The following SPIDR variants were observed in gnomAD, a reference collection of about 807,000 sequenced individuals.
SPIDR encodes scaffold protein involved in DNA repair.
In SPIDR, 93 loss-of-function variants were observed where a neutral mutation model predicts 104.6. The ratio of observed to expected loss-of-function variants is 0.89; its 90% CI spans 0.75 to 1.06. The LOEUF is 1.06. Among genes scored for constraint, SPIDR ranks in the 50% least tolerant of loss-of-function variants. The pLI, the probability that SPIDR is intolerant of heterozygous loss-of-function variation, is 0.00. For missense variants in SPIDR, 1,154 were observed against 1,111.2 expected, an observed-to-expected ratio of 1.04 and a Z score of -0.55; for synonymous variants, 431 against 416.9, an observed-to-expected ratio of 1.03 and a Z score of -0.41.
At chr8:47,650,248 C>G (rs1322123141) in intron 10 of SPIDR, among the ~76,000 whole-genome samples, 1 of 152,180 alleles carries the variant, frequency 6.6e-6, no homozygotes, top group African/African-American at 2.4e-5. Flanking sequence ...TAAACAAATT[C>G]AGCAGAGTCT....
At chr8:47,338,083 G>A (rs1474468251) in intron 5 of SPIDR, among the ~76,000 whole-genome samples, 1 of 152,112 alleles carries the variant, frequency 6.6e-6, no homozygotes, top group Non-Finnish European at 1.5e-5. Flanking sequence ...GTCTCTATAT[G>A]AAGTTTAGAG....
At chr8:47,641,888 G>A (rs1019423811) in intron 10 of SPIDR, among the ~76,000 whole-genome samples, 5 of 152,210 alleles carry the variant, frequency 3.3e-5, no homozygotes, top group African/African-American at 7.2e-5. Context: ...CAGCAGCTGG[G>A]CAGAGGAAAG....
intron 10 of SPIDR, among the ~76,000 whole-genome samples, chr8:47,602,515 C>T (rs1026561562): frequency 2.6e-5 from 4 of 152,152 alleles, no homozygotes; most frequent in Non-Finnish European, 5.9e-5. Flanking sequence ...AAAGAAACAG[C>T]GGTGTCTTAT....
At chr8:47,619,005 G>A (rs1278243263) in intron 10 of SPIDR, among the ~76,000 whole-genome samples, 1 of 152,246 alleles carries the variant, frequency 6.6e-6, no homozygotes, top group African/African-American at 2.4e-5. Context: ...CAAGAAGCTG[G>A]CAACTTTAAT....
At chr8:47,514,181 T>C (rs1003071685) in intron 8 of SPIDR, among the ~76,000 whole-genome samples, 3 of 152,230 alleles carry the variant, frequency 2.0e-5, no homozygotes, top group African/African-American at 4.8e-5. Context: ...GTGTCCTGTA[T>C]ATTTTACATT....
chr8:47,271,230 T>G (rs368098282), intron 1 of SPIDR, among the ~76,000 whole-genome samples: 45 of 152,316 alleles, frequency 3.0e-4, no homozygotes, highest in African/African-American at 1.1e-3. Context: ...TTTGGAGTTT[T>G]TAAGCTTCTT....
intron 8 of SPIDR, among the ~76,000 whole-genome samples, chr8:47,445,684 T>C (rs1563993638): frequency 6.6e-6 from 1 of 152,192 alleles, no homozygotes; most frequent in Non-Finnish European, 1.5e-5. Context: ...AGACAAGTTA[T>C]GAATGAAAAG....
intron 6 of SPIDR, among the ~76,000 whole-genome samples, chr8:47,402,285 A>G (rs1277314617): frequency 2.6e-5 from 4 of 152,220 alleles, no homozygotes; most frequent in South Asian, 2.1e-4. Context: ...TAACATCACA[A>G]TTAACAGAAC....
At chr8:47,659,871 G>A (rs886290105) in intron 10 of SPIDR, among the ~76,000 whole-genome samples, 1 of 152,130 alleles carries the variant, frequency 6.6e-6, no homozygotes, top group Non-Finnish European at 1.5e-5. Flanking sequence ...GAATGAAACA[G>A]CCGGGCCTGA....
Position 47,373,492 on chromosome 8 carries a change from CT to C in SPIDR, c.526-22874del, listed in dbSNP as rs576590460. Among the ~76,000 whole-genome samples, 715 of 146,850 alleles carry C rather than the reference CT, an allele frequency of 4.9e-3. 5 individuals are homozygous for C. Among genetic ancestry groups the C allele is most frequent in the South Asian group, 0.023 (104 of 4,584 alleles). ...CAGTAGTTTAGGTGGGATTTTTTTT[CT>C]TTTTTTTTTAATTTTTATTTTTGTT... On this transcript the variant is annotated intron_variant, in intron 5 of 19. Transcript: ENST00000297423.
At chr8:47,284,151 TG>T in intron 3 of SPIDR, 57 bp downstream of exon 3, 1 of 1,422,226 alleles carries the variant, frequency 7.0e-7, no homozygotes, top group Non-Finnish European at 9.7e-7. Flanking sequence ...AATCCTTCTG[TG>T]ATTATTTTAA....
At chr8:47,557,140 T>C (rs1213059947) in intron 8 of SPIDR, among the ~76,000 whole-genome samples, 1 of 152,166 alleles carries the variant, frequency 6.6e-6, no homozygotes. Context: ...ATAATGAGAC[T>C]TCGGCTCCTC....
intron 8 of SPIDR, among the ~76,000 whole-genome samples, chr8:47,492,717 G>T (rs553589875): frequency 6.6e-6 from 1 of 152,180 alleles, no homozygotes; most frequent in Admixed American, 6.5e-5. Flanking sequence ...GGAAGCATAC[G>T]TCTGGCCGTA....
intron 5 of SPIDR, among the ~76,000 whole-genome samples, chr8:47,328,314 A>G (rs577388830): frequency 1.3e-4 from 19 of 151,866 alleles, no homozygotes; most frequent in African/African-American, 4.6e-4. Flanking sequence ...GCTGGAGTGC[A>G]GTGGCATTAT....
In SPIDR at chr8:47,572,679, A is replaced by AATAAATAAATAAATAAAT. The variant is rs2058669712; in HGVS notation, c.1098-23130_1098-23113dup. On this transcript the variant is annotated intron_variant, in intron 8 of 19. Coordinates refer to ENST00000297423, the MANE Select transcript of SPIDR (RefSeq NM_001080394.4). Reference sequence around the variant, plus strand: ...TCCATCTCAAAATTAAATTAAAATAAATAAATAAATAAATAAATAAATAAA... The same window carrying AATAAATAAATAAATAAAT: ...TCCATCTCAAAATTAAATTAAAATAAATAAATAAATAAATAAATATAAATAAATAAATAAATAAATAAA... 4.9e-5 allele frequency among the ~76,000 whole-genome samples: 6 copies of AATAAATAAATAAATAAAT among 123,306 alleles called. No homozygotes were observed. The South Asian group carries it at 9.6e-4, about 20-fold the overall frequency. 80.9% of individuals were successfully genotyped at this position (123,306 alleles called of 152,430 possible). A position where few individuals can be genotyped will look rare whatever the true frequency, so the allele number is the denominator to read the frequency against.
intron 5 of SPIDR, among the ~76,000 whole-genome samples, chr8:47,375,403 A>T (rs1264184409): frequency 6.6e-6 from 1 of 151,474 alleles, no homozygotes; most frequent in Non-Finnish European, 1.5e-5. Context: ...CACCGTGCCC[A>T]GCTAATTTTT....
intron 10 of SPIDR, chr8:47,654,219 A>C: frequency 7.9e-7 from 1 of 1,261,814 alleles, no homozygotes; most frequent in Non-Finnish European, 1.0e-6. Context: ...AGGGGTTAGA[A>C]GAAAGGAAAG....
chr8:47,472,574 CAT>C (rs1339325988), intron 8 of SPIDR, among the ~76,000 whole-genome samples: 1 of 152,202 alleles, frequency 6.6e-6, no homozygotes, highest in Non-Finnish European at 1.5e-5. Flanking sequence ...TAAGTGAAGT[CAT>C]AGAGGTGAGA....
chr8:47,648,680 T>G (rs2071033023), intron 10 of SPIDR, among the ~76,000 whole-genome samples: 1 of 152,172 alleles, frequency 6.6e-6, no homozygotes, highest in Non-Finnish European at 1.5e-5. Context: ...AAATACAAGA[T>G]GAGCCTTGAA....
Sources: gnomAD v4.1 joint callset for allele counts (sites outside exome capture counted in the v4.1 genomes callset) on GRCh38, gnomAD v4.1.1 for gene constraint, MANE v1.5 for transcripts, NCBI Gene and HGNC (gene_info 2026-07-23, HGNC 2026-07-21) for gene names.